Variants in PAFAH1B1 observed in about 807,000 individuals in gnomAD.
The protein encoded by PAFAH1B1 is platelet-activating factor acetylhydrolase IB subunit beta.
PAFAH1B1 carries 2 observed loss-of-function variants against 57.5 expected under a neutral mutation model. The observed-to-expected ratio is 0.03, with a 90% confidence interval of 0.01 to 0.11. The LOEUF (loss-of-function observed/expected upper bound fraction) is 0.11. Among genes scored for constraint, PAFAH1B1 ranks in the 10% least tolerant of loss-of-function variants. The pLI is 1.00. For synonymous variants in PAFAH1B1, 152 were observed against 169.6 expected (o/e 0.90, Z 0.81); for missense variants, 257 against 512.0 (o/e 0.50, Z 4.81).
intron 2 of PAFAH1B1, among the ~76,000 whole-genome samples, chr17:2,664,893 G>C (rs2069084125): frequency 6.6e-6 from 1 of 151,908 alleles, no homozygotes; most frequent in East Asian, 1.9e-4. Context: ...CCACTCCAAT[G>C]GTTCAAAGTT....
At chr17:2,613,805 G>T in intron 1 of PAFAH1B1, 1 of 290,666 alleles carries the variant, frequency 3.4e-6, no homozygotes, top group Non-Finnish European at 7.0e-6. Flanking sequence ...CCTGATGCCG[G>T]GCGAGCATCT....
chr17:2,667,757 G>T (rs6502449), intron 5 of PAFAH1B1, among the ~76,000 whole-genome samples: 9 of 151,882 alleles, frequency 5.9e-5, no homozygotes, highest in Non-Finnish European at 1.0e-4. Flanking sequence ...TTCCAGGAGT[G>T]TGGGAATATA....
intron 1 of PAFAH1B1, among the ~76,000 whole-genome samples, chr17:2,615,942 AAG>A (rs2068334962): frequency 1.3e-5 from 2 of 152,190 alleles, no homozygotes; most frequent in Non-Finnish European, 2.9e-5. Flanking sequence ...GAGAAAAGTA[AAG>A]AGAGGAAAGA....
Position 2,668,848 on chromosome 17 carries a change from C to T in PAFAH1B1, c.400-1315C>T, listed in dbSNP as rs2069142984. Among the ~76,000 whole-genome samples, 5 of 151,544 alleles carry T rather than the reference C, an allele frequency of 3.3e-5. No individual in the cohort carries two copies. The South Asian group carries it at 1.0e-3, about 32-fold the overall frequency. On this transcript the variant is annotated intron_variant, in intron 5 of 10. Transcript: ENST00000397195. ...AAAATTAGCCGGGAGTGATGGCGGGCTCCTGTAGTCCCAGCTACTCGGGAG... is the reference window on the plus strand; with the variant it reads ...AAAATTAGCCGGGAGTGATGGCGGGTTCCTGTAGTCCCAGCTACTCGGGAG...
intron 1 of PAFAH1B1, among the ~76,000 whole-genome samples, chr17:2,595,999 T>C (rs1439359145): frequency 6.6e-6 from 1 of 152,186 alleles, no homozygotes; most frequent in Non-Finnish European, 1.5e-5. Flanking sequence ...CTCTTGCTTA[T>C]GTTTTGTAAG....
chr17:2,660,409 C>T (rs1298251519), intron 2 of PAFAH1B1, among the ~76,000 whole-genome samples: 2 of 152,044 alleles, frequency 1.3e-5, no homozygotes, highest in Non-Finnish European at 2.9e-5. Flanking sequence ...TCAACCCCCA[C>T]CCCCACCAAC....
intron 2 of PAFAH1B1, among the ~76,000 whole-genome samples, chr17:2,642,772 T>G (rs1273728262): frequency 6.6e-6 from 1 of 152,194 alleles, no homozygotes; most frequent in African/African-American, 2.4e-5. Context: ...AGAATTTGTT[T>G]TGTTGTTGTT....
At chr17:2,639,575 C>T (rs929256253) in intron 2 of PAFAH1B1, 1 of 151,894 alleles carries the variant, frequency 6.6e-6, no homozygotes, top group South Asian at 2.1e-4. Context: ...AAAAACAAAA[C>T]GGGAAAATGT....
intron 1 of PAFAH1B1, among the ~76,000 whole-genome samples, chr17:2,626,702 G>A (rs781575965): frequency 6.6e-6 from 1 of 151,566 alleles, no homozygotes; most frequent in Non-Finnish European, 1.5e-5. Context: ...TTACATGCGC[G>A]TGCCACCAAG....
At chr17:2,621,605 GTCTTTTTTT>G (rs1181939591) in intron 1 of PAFAH1B1, among the ~76,000 whole-genome samples, 4,064 of 93,122 alleles carry the variant, frequency 0.044, 726 homozygotes, top group Middle Eastern at 0.065. Context: ...TAGATAATCT[GTCTTTTTTT>G]TTTTTTTTTT....
At chr17:2,606,196 G>C (rs1164789928) in intron 1 of PAFAH1B1, among the ~76,000 whole-genome samples, 3 of 152,098 alleles carry the variant, frequency 2.0e-5, no homozygotes, top group Non-Finnish European at 4.4e-5. Context: ...GAGCCAGATT[G>C]ATATATGAAT....
At chr17:2,604,703 C>T (rs1045563685) in intron 1 of PAFAH1B1, among the ~76,000 whole-genome samples, 15 of 151,886 alleles carry the variant, frequency 9.9e-5, no homozygotes, top group African/African-American at 3.4e-4. Context: ...CCCAGCTACT[C>T]GGGAGACTGA....
rs138562724 is a variant in PAFAH1B1, at chr17:2,627,760, T to G, written c.-190-10339T>G. Among the ~76,000 whole-genome samples, 167 of 152,308 alleles carry G rather than the reference T, an allele frequency of 1.1e-3. 1 individual carries two copies. The highest frequency in any genetic ancestry group is 3.6e-3 in the African/African-American group (149 of 41,580). ...TGTTTGTGTCATCTCTGATTTCTTT[T>G]GGCAACATTTTATAGTTTTCCTTGT... On this transcript the variant is annotated intron_variant, in intron 1 of 10. Transcript: ENST00000397195.
At chr17:2,637,993 A>G (rs2068645087) in intron 1 of PAFAH1B1, 106 bp from the exon 2 acceptor site, 1 of 446,106 alleles carries the variant, frequency 2.2e-6, no homozygotes, top group African/African-American at 2.0e-5. Flanking sequence ...TAATATTTAT[A>G]CTAACATCAC....
At chr17:2,631,813 G>T (rs774449210) in intron 1 of PAFAH1B1, among the ~76,000 whole-genome samples, 1 of 152,202 alleles carries the variant, frequency 6.6e-6, no homozygotes, top group African/African-American at 2.4e-5. Context: ...GCAAGCCTCT[G>T]CATGCAGCTC....
At chr17:2,672,406 T>G (rs2069196889) in intron 6 of PAFAH1B1, among the ~76,000 whole-genome samples, 1 of 152,208 alleles carries the variant, frequency 6.6e-6, no homozygotes, top group Non-Finnish European at 1.5e-5. Flanking sequence ...CTTTTGTTTT[T>G]AAACCATTTG....
chr17:2,629,178 G>A (rs2068527066), intron 1 of PAFAH1B1, among the ~76,000 whole-genome samples: 1 of 151,960 alleles, frequency 6.6e-6, no homozygotes, highest in Non-Finnish European at 1.5e-5. Flanking sequence ...GTTCCTTGAG[G>A]TGTGACCTTA....
intron 10 of PAFAH1B1, chr17:2,681,064 A>T (rs1163874359): frequency 6.5e-6 from 1 of 153,864 alleles, no homozygotes; most frequent in Non-Finnish European, 1.4e-5. Flanking sequence ...TAAGTGCAGC[A>T]TCAATATGGT....
intron 2 of PAFAH1B1, among the ~76,000 whole-genome samples, chr17:2,652,254 CAAA>C: frequency 6.8e-6 from 1 of 147,116 alleles, no homozygotes; most frequent in East Asian, 2.0e-4. Context: ...ACTAAAAATA[CAAA>C]AAAAAAAATT....
Sources: allele counts gnomAD v4.1 joint callset (sites outside exome capture counted in the v4.1 genomes callset), GRCh38; gene constraint gnomAD v4.1.1; transcripts MANE v1.5; gene names NCBI Gene and HGNC (gene_info 2026-07-23, HGNC 2026-07-21).